MALRD1: variants seen among roughly 807,000 people sequenced by gnomAD.
MALRD1 encodes MAM and LDL-receptor class A domain-containing protein 1.
A neutral mutation model predicts 242.1 loss-of-function variants in MALRD1; 247 were observed. The observed-to-expected ratio is 1.02, with a 90% CI of 0.92 to 1.13. The LOEUF (loss-of-function observed/expected upper bound fraction) is 1.13, where lower values mean the gene tolerates loss of function less well. Among genes scored for constraint, MALRD1 ranks in the 50% most tolerant of loss-of-function variants. The pLI is 0.00. For synonymous variants in MALRD1, 995 were observed against 866.6 expected, an observed-to-expected ratio of 1.15 and a Z score of -2.60; for missense variants, 2,989 against 2,533.1, an observed-to-expected ratio of 1.18 and a Z score of -3.86.
intron 8 of MALRD1, among the ~76,000 whole-genome samples, chr10:19,131,203 G>A (rs930182242): frequency 2.0e-5 from 3 of 152,148 alleles, no homozygotes; most frequent in Non-Finnish European, 4.4e-5. Context: ...GGCTCTTGAT[G>A]AAAATGATGA....
chr10:19,072,919 C>CT (rs1554782450), intron 2 of MALRD1, among the ~76,000 whole-genome samples: 13 of 151,760 alleles, frequency 8.6e-5, no homozygotes, highest in African/African-American at 2.9e-4. Context: ...CCTTCCCCCC[C>CT]TTTTTTTTCT....
At chr10:19,309,481 T>C (rs1842344656) in intron 21 of MALRD1, among the ~76,000 whole-genome samples, 1 of 151,466 alleles carries the variant, frequency 6.6e-6, no homozygotes, top group Admixed American at 6.6e-5. Context: ...TATGGGCCAC[T>C]ATTGTTAAAA....
chr10:19,610,716 A>C (rs1006801517), intron 35 of MALRD1, among the ~76,000 whole-genome samples: 3 of 152,014 alleles, frequency 2.0e-5, no homozygotes, highest in Non-Finnish European at 4.4e-5. Context: ...TGACATTTTT[A>C]CTCTAACAGG....
intron 4 of MALRD1, among the ~76,000 whole-genome samples, chr10:19,101,341 T>A (rs1056314939): frequency 6.9e-6 from 1 of 144,754 alleles, no homozygotes; most frequent in Non-Finnish European, 1.5e-5. Context: ...ACTACTTGGA[T>A]ATATATAATA....
At chr10:19,490,776 A>C (rs543733788) in intron 29 of MALRD1, among the ~76,000 whole-genome samples, 4 of 152,324 alleles carry the variant, frequency 2.6e-5, no homozygotes, top group Admixed American at 2.6e-4. Context: ...ATTTTCTGAC[A>C]ATGTCTGCTG....
intron 18 of MALRD1, among the ~76,000 whole-genome samples, chr10:19,242,803 A>T (rs1238567117): frequency 6.6e-6 from 1 of 151,878 alleles, no homozygotes; most frequent in Admixed American, 6.6e-5. Flanking sequence ...CTTCACTTTC[A>T]GTCTATTTGT....
chr10:19,192,792 C>T (rs1836051083), intron 14 of MALRD1, among the ~76,000 whole-genome samples: 1 of 152,130 alleles, frequency 6.6e-6, no homozygotes, highest in African/African-American at 2.4e-5. Context: ...AAAACAAATG[C>T]CCTGGGTATC....
At position 19,654,243 on chromosome 10, in the gene MALRD1, A is replaced by G. The variant is rs543565774; in HGVS notation, c.6138-38039A>G. Among the ~76,000 whole-genome samples the G allele has an allele frequency of 2.0e-5, 3 of 152,256 alleles. No homozygotes were observed. The East Asian group carries it at 5.8e-4, about 29-fold the overall frequency. ...AAACACATTTGATGGATAAAAGACT[A>G]AGCCACGATTAAGAAAAGGGAAAGA... On this transcript the variant is annotated intron_variant, in intron 36 of 39. Coordinates refer to ENST00000454679, the MANE Select transcript of MALRD1 (RefSeq NM_001142308.3).
chr10:19,685,042 A>G (rs1161117997), intron 36 of MALRD1, among the ~76,000 whole-genome samples: 1 of 152,180 alleles, frequency 6.6e-6, no homozygotes, highest in East Asian at 1.9e-4. Flanking sequence ...ATATACTTGG[A>G]TAACCAATTT....
At chr10:19,422,571 A>G (rs574236577) in intron 28 of MALRD1, among the ~76,000 whole-genome samples, 2 of 152,348 alleles carry the variant, frequency 1.3e-5, no homozygotes, top group South Asian at 4.1e-4. Flanking sequence ...ATACAGATTT[A>G]GAGTGAAATT....
chr10:19,184,729 G>T (rs965843087), intron 14 of MALRD1, among the ~76,000 whole-genome samples: 41 of 152,084 alleles, frequency 2.7e-4, no homozygotes, highest in African/African-American at 9.7e-4. Context: ...TGTATTTTTA[G>T]TGGAGATGGG....
intron 8 of MALRD1, among the ~76,000 whole-genome samples, chr10:19,128,659 GA>G (rs2131393625): frequency 6.6e-6 from 1 of 152,236 alleles, no homozygotes; most frequent in South Asian, 2.1e-4. Context: ...ATAAAAATGG[GA>G]TAGCTGAGAT....
intron 31 of MALRD1, among the ~76,000 whole-genome samples, chr10:19,505,220 A>C (rs141296265): frequency 6.6e-6 from 1 of 152,204 alleles, no homozygotes; most frequent in Non-Finnish European, 1.5e-5. Context: ...ACATATATAC[A>C]GATATCCTAA....
chr10:19,410,136 A>G (rs906300628), intron 28 of MALRD1, among the ~76,000 whole-genome samples: 1 of 152,182 alleles, frequency 6.6e-6, no homozygotes, highest in African/African-American at 2.4e-5. Context: ...AACGTCCATG[A>G]CTGCTTATAG....
At chr10:19,624,966 A>C (rs1839582504) in intron 36 of MALRD1, among the ~76,000 whole-genome samples, 1 of 151,822 alleles carries the variant, frequency 6.6e-6, no homozygotes, top group Non-Finnish European at 1.5e-5. Flanking sequence ...CTTCAGAGGC[A>C]GAAGTGGGAG....
intron 21 of MALRD1, among the ~76,000 whole-genome samples, chr10:19,291,067 A>G (rs1411222123): frequency 1.3e-5 from 2 of 152,340 alleles, no homozygotes; most frequent in South Asian, 2.1e-4. Context: ...GCTGGAATCT[A>G]GAGAGCAAAG....
chr10:19,327,637 A>T lies in MALRD1; in HGVS notation c.3651A>T (p.Arg1217Ser). ...GACAGCAAGGTGCACAGTGGAAGAG[A>T]GCAGAAGTGTTTTTAGGCATTCGTT... is the stretch of plus-strand genomic sequence containing the variant. ...QTGQQGAQWK[R>S]AEVFLGIRSH... Residue 1217 changes from arginine (R) to serine (S), a missense_variant, in exon 23 of 40, where the codon AGA becomes AGT. Coordinates refer to ENST00000454679, the MANE Select transcript of MALRD1 (RefSeq NM_001142308.3). 1 of 1,549,806 alleles carries T rather than the reference A, an allele frequency of 6.5e-7. No individual in the cohort carries two copies. The highest frequency in any genetic ancestry group is 8.7e-7 in the Non-Finnish European group (1 of 1,146,360).
At chr10:19,358,603 A>G (rs1349030961) in intron 26 of MALRD1, among the ~76,000 whole-genome samples, 2 of 152,166 alleles carry the variant, frequency 1.3e-5, no homozygotes, top group Non-Finnish European at 2.9e-5. Context: ...CAGCTAATCT[A>G]CTTCAACCTC....
chr10:19,468,111 A>G (rs2131126175), intron 29 of MALRD1, among the ~76,000 whole-genome samples: 1 of 151,852 alleles, frequency 6.6e-6, no homozygotes, highest in Non-Finnish European at 1.5e-5. Flanking sequence ...TTTAAAACAA[A>G]AAAAAAATCT....
Sources: gnomAD v4.1 joint callset for allele counts (sites outside exome capture counted in the v4.1 genomes callset) on GRCh38, gnomAD v4.1.1 for gene constraint, MANE v1.5 for transcripts, NCBI Gene and HGNC (gene_info 2026-07-23, HGNC 2026-07-21) for gene names.